Variants in RPL22 observed in about 807,000 individuals in gnomAD.
The protein encoded by RPL22 is large ribosomal subunit protein eL22.
In RPL22, 4 loss-of-function variants were observed where a neutral mutation model predicts 16.2. That is an observed-to-expected ratio of 0.25 (90% CI 0.12 to 0.57). The LOEUF is 0.57. Among genes scored for constraint, RPL22 ranks in the 20% least tolerant of loss-of-function variants. RPL22 has a pLI of 0.92. For synonymous variants in RPL22, 43 were observed against 54.8 expected (o/e 0.78, Z 0.95); for missense variants, 83 against 156.1 (o/e 0.53, Z 2.49).
intron 3 of RPL22, among the ~76,000 whole-genome samples, chr1:6,192,261 G>C (rs1206036651): frequency 1.3e-5 from 2 of 152,094 alleles, no homozygotes; most frequent in East Asian, 3.9e-4. Context: ...TGCCCAGGCT[G>C]GTCTCAAACT....
intron 3 of RPL22, among the ~76,000 whole-genome samples, chr1:6,189,517 C>T (rs1425261636): frequency 6.6e-6 from 1 of 151,250 alleles, no homozygotes. Flanking sequence ...TATGATCACC[C>T]CACTGCTCTC....
intron 3 of RPL22, among the ~76,000 whole-genome samples, chr1:6,190,335 A>C (rs145199978): frequency 6.6e-6 from 1 of 152,198 alleles, no homozygotes; most frequent in East Asian, 1.9e-4. Flanking sequence ...ATTTGTACTA[A>C]CATACCTTAA....
chr1:6,197,946 C>G (rs1251864128), intron 1 of RPL22, 190 bp from the exon 2 acceptor site: 3 of 603,914 alleles, frequency 5.0e-6, no homozygotes, highest in African/African-American at 1.9e-5. Flanking sequence ...GCAGATGCTG[C>G]TGTACAAGCT....
Position 6,185,400 on chromosome 1 carries a change from A to C in RPL22, c.*1272T>G, listed in dbSNP as rs1361874994. 5.0e-6 allele frequency: 2 copies of C among 398,952 alleles called. No homozygotes were observed. The highest frequency in any genetic ancestry group is 2.1e-5 in the African/African-American group (1 of 48,636). The allele number at this position is 398,952 out of a possible 1,614,324, so 24.7% of individuals were successfully genotyped here. The stretch of plus-strand genomic sequence containing the variant: ...ATGCAAGCAATTCTGCTTCAAAGAA[A>C]TTTGCATAGAAATGGAAAAATGCCA... On this transcript the variant is annotated 3_prime_UTR_variant, in exon 4 of 4. Transcript: ENST00000234875.
chr1:6,185,358 G>A lies in RPL22; in HGVS notation c.*1314C>T, dbSNP rs769601186. ...GTTTGAAAGAAACTCTGCTTTCTGTGACGGCAGAGAAGAAATATGCAAGCA... is the reference window on the plus strand; with the variant it reads ...GTTTGAAAGAAACTCTGCTTTCTGTAACGGCAGAGAAGAAATATGCAAGCA... On this transcript the variant is annotated 3_prime_UTR_variant, in exon 4 of 4. Coordinates refer to ENST00000234875, the MANE Select transcript of RPL22 (RefSeq NM_000983.4). 5.0e-4 allele frequency: 198 copies of A among 398,934 alleles called. No individual in the cohort carries two copies. Among genetic ancestry groups the A allele is most frequent in the Non-Finnish European group, 6.3e-4 (143 of 226,076 alleles). The allele number at this position is 398,934 out of a possible 1,614,324, so 24.7% of individuals were successfully genotyped here.
At chr1:6,194,853 C>T (rs1667694806) in intron 2 of RPL22, among the ~76,000 whole-genome samples, 1 of 152,060 alleles carries the variant, frequency 6.6e-6, no homozygotes, top group Non-Finnish European at 1.5e-5. Flanking sequence ...ATGCTACTGC[C>T]CTCCAGCCTG....
chr1:6,185,462 A>G lies in RPL22; in HGVS notation c.*1210T>C, dbSNP rs1379655951. The G allele has an allele frequency of 5.0e-6, 2 of 398,310 alleles. No homozygotes were observed. 24.7% of individuals were successfully genotyped at this position (398,310 alleles called of 1,614,324 possible). On this transcript the variant is annotated 3_prime_UTR_variant, in exon 4 of 4. Coordinates refer to ENST00000234875, the MANE Select transcript of RPL22 (RefSeq NM_000983.4). ...ACAAGTGAAATTGCAAAGCCTCAACACGTTCAACTCAATCCACAGAGCACC... is the reference window on the plus strand; with the variant it reads ...ACAAGTGAAATTGCAAAGCCTCAACGCGTTCAACTCAATCCACAGAGCACC...
At chr1:6,188,016 G>T (rs527829507) in intron 3 of RPL22, among the ~76,000 whole-genome samples, 1 of 150,298 alleles carries the variant, frequency 6.7e-6, no homozygotes, top group Non-Finnish European at 1.5e-5. Context: ...CTTTAGCCAG[G>T]TGAGAGCTAA....
chr1:6,196,367 TAGAG>T (rs1667718663), intron 2 of RPL22, among the ~76,000 whole-genome samples: 1 of 152,052 alleles, frequency 6.6e-6, no homozygotes, highest in Non-Finnish European at 1.5e-5. Context: ...AGTCACTGGA[TAGAG>T]AAAGAACTAA....
chr1:6,195,444 C>T (rs1359667144), intron 2 of RPL22, among the ~76,000 whole-genome samples: 1 of 141,020 alleles, frequency 7.1e-6, no homozygotes, highest in African/African-American at 2.7e-5. Context: ...AAGACTCCGT[C>T]TCAAAAAAAA....
intron 3 of RPL22, among the ~76,000 whole-genome samples, chr1:6,190,084 A>C (rs570878351): frequency 1.3e-5 from 2 of 152,242 alleles, no homozygotes; most frequent in Non-Finnish European, 2.9e-5. Context: ...TAAAGAACAG[A>C]AAGTTTGTGA....
intron 3 of RPL22, among the ~76,000 whole-genome samples, chr1:6,188,862 C>T (rs1003004815): frequency 6.6e-6 from 1 of 151,854 alleles, no homozygotes; most frequent in Non-Finnish European, 1.5e-5. Context: ...TCCGGCTCAC[C>T]TCAACCTCCG....
chr1:6,192,676 G>A (rs560780490), intron 3 of RPL22, among the ~76,000 whole-genome samples: 4 of 152,206 alleles, frequency 2.6e-5, no homozygotes, highest in Non-Finnish European at 5.9e-5. Flanking sequence ...AACAGCCTGG[G>A]CGATGGAGTG....
chr1:6,188,673 C>T lies in RPL22; in HGVS notation c.243-1857G>A, dbSNP rs571807179. Among the ~76,000 whole-genome samples, 44 of 152,236 alleles carry T rather than the reference C, an allele frequency of 2.9e-4. No individual in the cohort carries two copies. The South Asian group carries it at 8.5e-3, about 29-fold the overall frequency. On this transcript the variant is annotated intron_variant, in intron 3 of 3. Coordinates refer to ENST00000234875, the MANE Select transcript of RPL22 (RefSeq NM_000983.4). ...GGGAATTTCACAACACACAAACCCA[C>T]AGCAGAGCCAATTCATCTACCCAAG... is the stretch of plus-strand genomic sequence containing the variant.
rs1281995217 is a variant in RPL22 at position 6,186,504 on chromosome 1, AAAAG to A, written c.*164_*167del. 1 of 508,958 alleles carries A rather than the reference AAAAG, an allele frequency of 2.0e-6. No individual in the cohort carries two copies. Among genetic ancestry groups the A allele is most frequent in the African/African-American group, 2.0e-5 (1 of 49,008 alleles). 31.5% of individuals were successfully genotyped at this position (508,958 alleles called of 1,614,324 possible). ...GAATTGAAATTTTTAAGCAGAAAAA[AAAAG>A]AAGTCAAGTTACAAATAAATGAGTG... On this transcript the variant is annotated 3_prime_UTR_variant, in exon 4 of 4. Coordinates refer to ENST00000234875, the MANE Select transcript of RPL22 (RefSeq NM_000983.4).
chr1:6,193,088 C>T, intron 2 of RPL22, 34 bp from the exon 3 acceptor site: 1 of 1,610,762 alleles, frequency 6.2e-7, no homozygotes, highest in African/African-American at 1.3e-5. Flanking sequence ...AATGAAGTGA[C>T]AAGTTCATCT....
intron 3 of RPL22, among the ~76,000 whole-genome samples, chr1:6,190,015 TATC>T (rs1367927092): frequency 6.6e-6 from 1 of 152,330 alleles, no homozygotes; most frequent in African/African-American, 2.4e-5. Flanking sequence ...AATTAACTAT[TATC>T]ATCAAGAAAG....
Position 6,185,789 on chromosome 1 carries a change from G to C in RPL22, c.*883C>G, listed in dbSNP as rs958214011. 1 of 234,156 alleles carries C rather than the reference G, an allele frequency of 4.3e-6. No individual in the cohort carries two copies. Among genetic ancestry groups the C allele is most frequent in the African/African-American group, 2.2e-5 (1 of 45,400 alleles). The allele number at this position is 234,156 out of a possible 1,614,324, so 14.5% of individuals were successfully genotyped here. ...TGGCACACCACTGACATTAAATCCA[G>C]TCATGGCCTAAGTGGCATGAGGCAG... On this transcript the variant is annotated 3_prime_UTR_variant, in exon 4 of 4. Coordinates refer to ENST00000234875, the MANE Select transcript of RPL22 (RefSeq NM_000983.4).
At chr1:6,196,933 C>T (rs1667727670) in intron 2 of RPL22, among the ~76,000 whole-genome samples, 1 of 152,150 alleles carries the variant, frequency 6.6e-6, no homozygotes, top group Non-Finnish European at 1.5e-5. Flanking sequence ...CAGAGGCAGC[C>T]CATAGTCAGG....
Sources: gnomAD v4.1 joint callset for allele counts (sites outside exome capture counted in the v4.1 genomes callset) on GRCh38, gnomAD v4.1.1 for gene constraint, MANE v1.5 for transcripts, NCBI Gene and HGNC (gene_info 2026-07-23, HGNC 2026-07-21) for gene names.